The following PI4K2A variants were observed in gnomAD, a reference collection of about 807,000 sequenced individuals.
PI4K2A encodes the protein phosphatidylinositol 4-kinase type 2 alpha.
PI4K2A carries 20 observed loss-of-function variants against 55.0 expected under a neutral mutation model. That is an observed-to-expected ratio of 0.36 (90% CI 0.26 to 0.53). PI4K2A has a LOEUF of 0.53. PI4K2A is among the 20% of genes least tolerant of loss of function. PI4K2A has a pLI of 0.91. For synonymous variants in PI4K2A, 235 were observed against 258.5 expected (o/e 0.91, Z 0.87); for missense variants, 463 against 637.1 (o/e 0.73, Z 2.94).
At chr10:97,641,159 C>T (rs760654743) in exon 1 of PI4K2A, 4 of 1,605,844 alleles carry the variant, frequency 2.5e-6, no homozygotes, top group East Asian at 2.2e-5. Context: ...GAAGCTACTT[C>T]GTCAAGGACC....
At chr10:97,674,330 C>T (rs1431256751) in exon 9 of PI4K2A, 2 of 152,360 alleles carry the variant, frequency 1.3e-5, no homozygotes, top group Non-Finnish European at 2.9e-5. Context: ...TCCTCCATCT[C>T]CCATCAGTGC....
At chr10:97,646,699 A>C (rs1473035276) in intron 1 of PI4K2A, among the ~76,000 whole-genome samples, 38 of 152,192 alleles carry the variant, frequency 2.5e-4, no homozygotes, top group Non-Finnish European at 2.8e-4. Context: ...CTCTTTTAGC[A>C]TAGCATGACA....
exon 1 of PI4K2A, chr10:97,640,917 C>A (rs965168929): frequency 6.9e-6 from 9 of 1,312,298 alleles, no homozygotes; most frequent in Non-Finnish European, 7.7e-6. Context: ...CCGCGAGCGG[C>A]AGCCACTGTT....
rs1167642177 is a variant in PI4K2A, at chr10:97,653,832, G to A, written c.637-2453G>A. 1.5e-4 allele frequency among the ~76,000 whole-genome samples: 23 copies of A among 152,214 alleles called. 1 individual carries two copies. Among genetic ancestry groups the A allele is most frequent in the Admixed American group, 1.2e-3 (18 of 15,290 alleles). Reference sequence around the variant, plus strand: ...CTTGGGAGGCTGAGGCAGGAGAATCGCTTGAACCTGGAAGGCAGAGGTTGC... The same window carrying A: ...CTTGGGAGGCTGAGGCAGGAGAATCACTTGAACCTGGAAGGCAGAGGTTGC... On this transcript the variant is annotated intron_variant, in intron 2 of 8. Transcript: ENST00000370631.
chr10:97,674,533 A>G (rs928264418), exon 9 of PI4K2A: 13 of 152,364 alleles, frequency 8.5e-5, no homozygotes, highest in African/African-American at 2.9e-4. Flanking sequence ...GACTCCCAGC[A>G]TGTAAAAGTG....
Position 97,660,158 on chromosome 10 carries a change from C to T in PI4K2A, c.923-2749C>T, listed in dbSNP as rs191130649. Among the ~76,000 whole-genome samples, 219 of 151,086 alleles carry T rather than the reference C, an allele frequency of 1.4e-3. 5 individuals are homozygous for T. The East Asian group carries it at 0.04, about 27-fold the overall frequency. On this transcript the variant is annotated intron_variant, in intron 4 of 8. Coordinates refer to ENST00000370631, the Ensembl canonical transcript of PI4K2A. ...CTGGGACTACAGGCGCCTGCTACCA[C>T]GCCCGGCTAATTTTTTGTATTTTTA...
intron 1 of PI4K2A, among the ~76,000 whole-genome samples, chr10:97,642,884 T>TCTTTCTTTCTTCCTTCCTTCCTTC (rs1564772365): frequency 1.0e-5 from 1 of 96,802 alleles, no homozygotes; most frequent in Non-Finnish European, 2.1e-5. Flanking sequence ...TTTCTTTCTT[T>TCTTTCTTTCTTCCTTCCTTCCTTC]CTTCCTTCCT....
At chr10:97,660,548 C>A (rs2041577118) in intron 4 of PI4K2A, among the ~76,000 whole-genome samples, 1 of 152,118 alleles carries the variant, frequency 6.6e-6, no homozygotes, top group Non-Finnish European at 1.5e-5. Context: ...CCTGCCTTGG[C>A]CTCCCAAAGT....
At chr10:97,662,715 T>G (rs1460550294) in intron 4 of PI4K2A, among the ~76,000 whole-genome samples, 192 bp from the exon 5 acceptor site, 1 of 152,164 alleles carries the variant, frequency 6.6e-6, no homozygotes, top group Non-Finnish European at 1.5e-5. Context: ...CTCCCATATC[T>G]TCACTCTTAA....
chr10:97,672,956 T>A (rs114942532), intron 8 of PI4K2A, among the ~76,000 whole-genome samples: 1 of 151,192 alleles, frequency 6.6e-6, no homozygotes, highest in Non-Finnish European at 1.5e-5. Context: ...TAGGATCTGT[T>A]CATTTTTAAG....
intron 1 of PI4K2A, among the ~76,000 whole-genome samples, chr10:97,642,295 C>T (rs2041473731): frequency 6.6e-6 from 1 of 151,724 alleles, no homozygotes; most frequent in Non-Finnish European, 1.5e-5. Context: ...CTGAATTAAT[C>T]AAGAATTAGA....
At chr10:97,668,298 C>T (rs2041619291) in intron 8 of PI4K2A, among the ~76,000 whole-genome samples, 1 of 152,202 alleles carries the variant, frequency 6.6e-6, no homozygotes, top group Non-Finnish European at 1.5e-5. Context: ...GTAGCTGAGA[C>T]CAGGCATGGT....
chr10:97,673,797 G>T, exon 9 of PI4K2A: 1 of 1,555,544 alleles, frequency 6.4e-7, no homozygotes, highest in Non-Finnish European at 8.8e-7. Flanking sequence ...GAAGCCTGGG[G>T]AGTGGGGTGC....
chr10:97,641,334 G>T (rs957864071), intron 1 of PI4K2A, among the ~76,000 whole-genome samples, 157 bp downstream of exon 1: 5 of 152,134 alleles, frequency 3.3e-5, no homozygotes, highest in Non-Finnish European at 1.5e-5. Flanking sequence ...AGCTGGGGAC[G>T]CTCTGCGGAA....
intron 8 of PI4K2A, among the ~76,000 whole-genome samples, chr10:97,669,182 G>C (rs2041624231): frequency 6.6e-6 from 1 of 152,106 alleles, no homozygotes; most frequent in African/African-American, 2.4e-5. Flanking sequence ...GAGGTTTTAA[G>C]AACTACAATT....
chr10:97,657,212 C>T (rs902122555), intron 4 of PI4K2A, among the ~76,000 whole-genome samples: 5 of 152,140 alleles, frequency 3.3e-5, no homozygotes, highest in Non-Finnish European at 7.3e-5. Context: ...ATCCTTGATC[C>T]CTAGTCATTC....
exon 1 of PI4K2A, chr10:97,641,017 C>T (rs774285612): frequency 1.1e-5 from 17 of 1,571,192 alleles, no homozygotes; most frequent in South Asian, 4.6e-5. Context: ...GCGGCGGCAG[C>T]CCACGCCGCT....
intron 8 of PI4K2A, among the ~76,000 whole-genome samples, chr10:97,671,653 T>G (rs960902111): frequency 2.6e-5 from 4 of 152,228 alleles, no homozygotes; most frequent in African/African-American, 7.2e-5. Flanking sequence ...TTTGTTTGTT[T>G]TTTTGAGATG....
intron 4 of PI4K2A, among the ~76,000 whole-genome samples, chr10:97,659,560 A>G (rs746092552): frequency 6.6e-6 from 1 of 151,938 alleles, no homozygotes; most frequent in Non-Finnish European, 1.5e-5. Context: ...GAATAGAAGT[A>G]AAAGCAGGCA....
Sources: allele counts gnomAD v4.1 joint callset (sites outside exome capture counted in the v4.1 genomes callset), GRCh38; gene constraint gnomAD v4.1.1; transcripts MANE v1.5; gene names NCBI Gene and HGNC (gene_info 2026-07-23, HGNC 2026-07-21).